Variants in ZNF532 observed in about 807,000 individuals in gnomAD.
ZNF532 encodes zinc finger protein 532.
In ZNF532, 22 loss-of-function variants were observed where a neutral mutation model predicts 89.3. The observed-to-expected ratio is 0.25, with a 90% CI of 0.18 to 0.35. The LOEUF is 0.35. Ranked by LOEUF, ZNF532 falls within the 10% of genes least tolerant of loss-of-function variation. The pLI is 1.00. For synonymous variants in ZNF532, 606 were observed against 649.6 expected (o/e 0.93, Z 1.02); for missense variants, 1,132 against 1,643.4 (o/e 0.69, Z 5.38).
chr18:58,892,569 T>C (rs1248776454), intron 2 of ZNF532, among the ~76,000 whole-genome samples: 2 of 152,224 alleles, frequency 1.3e-5, no homozygotes, highest in Admixed American at 6.5e-5. Flanking sequence ...TGTTAGAGCA[T>C]TGGCAAAGAG....
At chr18:58,976,384 C>T (rs79447051) in intron 7 of ZNF532, among the ~76,000 whole-genome samples, 5,779 of 151,144 alleles carry the variant, frequency 0.038, 111 homozygotes, top group East Asian at 0.059. Flanking sequence ...TATTACTACA[C>T]AAGAAGAAAT....
intron 4 of ZNF532, among the ~76,000 whole-genome samples, chr18:58,938,469 C>G (rs144978256): frequency 1.3e-5 from 2 of 152,330 alleles, no homozygotes; most frequent in African/African-American, 2.4e-5. Flanking sequence ...ACTAGAAATT[C>G]ATAAAGTAAG....
chr18:58,884,165 G>T (rs2058117491), intron 2 of ZNF532, among the ~76,000 whole-genome samples: 1 of 152,232 alleles, frequency 6.6e-6, no homozygotes, highest in Admixed American at 6.5e-5. Flanking sequence ...GATCACCTGA[G>T]GTCAGGAGTT....
chr18:58,972,846 G>A (rs1350098466), intron 7 of ZNF532, among the ~76,000 whole-genome samples: 2 of 152,064 alleles, frequency 1.3e-5, no homozygotes, highest in African/African-American at 4.8e-5. Context: ...TGATTACTTC[G>A]TAGAACCTGC....
rs2062202719 is a variant in ZNF532, at chr18:58,934,417, C to A, written c.2347-16C>A. 2 of 1,610,040 alleles carry A rather than the reference C, an allele frequency of 1.2e-6. No individual in the cohort carries two copies. The highest frequency in any genetic ancestry group is 1.7e-6 in the Non-Finnish European group (2 of 1,177,356). On this transcript the variant is annotated splice_polypyrimidine_tract_variant and intron_variant, in intron 3 of 9. Coordinates refer to ENST00000591808, the MANE Select transcript of ZNF532 (RefSeq NM_001375912.1). The stretch of plus-strand genomic sequence containing the variant: ...CTTAGTAGGACCAACCCTGTTTCCC[C>A]CTTTGGTTTGTTTAGAAGACTTGCA...
intron 2 of ZNF532, among the ~76,000 whole-genome samples, chr18:58,874,205 G>A (rs1463472597): frequency 6.6e-6 from 1 of 152,140 alleles, no homozygotes; most frequent in Non-Finnish European, 1.5e-5. Context: ...TGTCGCTAGA[G>A]TTTTAGTTAC....
intron 4 of ZNF532, among the ~76,000 whole-genome samples, 199 bp from the exon 5 acceptor site, chr18:58,939,246 C>CAAAAAAAAAAAAAAAAAAAAAAAAA (rs71336307): frequency 2.9e-5 from 1 of 34,508 alleles, no homozygotes; most frequent in Non-Finnish European, 6.3e-5. Context: ...GACGTTGTCT[C>CAAAAAAAAAAAAAAAAAAAAAAAAA]AAAAAAAAAA....
rs780845247 is a variant in ZNF532, at chr18:58,984,367, C to T, written c.3807C>T (p.Cys1269=). The part of the protein sequence containing the change: ...GAVSDRKCKV[C]AKTFETEAAL... ...TGTCAGACAGAAAGTGCAAAGTGTG[C>T]GCAAAAACTTTTGAAACTGAAGCTG... The change falls in exon 10 of 10, where the codon TGC becomes TGT. Residue 1269 remains cysteine (C), a synonymous_variant. Transcript: ENST00000591808. The T allele has an allele frequency of 8.9e-5, 144 of 1,611,836 alleles. No homozygotes were observed. Among genetic ancestry groups the T allele is most frequent in the Non-Finnish European group, 1.1e-4 (134 of 1,179,852 alleles).
Position 58,920,192 on chromosome 18 carries a change from C to T in ZNF532, c.1905C>T (p.Tyr635=), listed in dbSNP as rs138203718. ...TTGAAAAGAGTCTGACCCAGCACTA[C>T]GACAGACGGAGCGTGCGCATCGAAG... ...FALEKSLTQH[Y]DRRSVRIEVT... is the part of the protein sequence containing the mutation. The change falls in exon 3 of 10, where the codon TAC becomes TAT. Residue 635 remains tyrosine, a synonymous_variant. Coordinates refer to ENST00000591808, the MANE Select transcript of ZNF532 (RefSeq NM_001375912.1). 1.5e-5 allele frequency: 25 copies of T among 1,613,648 alleles called. No individual in the cohort carries two copies. Among genetic ancestry groups the T allele is most frequent in the African/African-American group, 9.3e-5 (7 of 74,912 alleles).
At chr18:58,906,976 C>T (rs1473854250) in intron 2 of ZNF532, among the ~76,000 whole-genome samples, 1 of 152,158 alleles carries the variant, frequency 6.6e-6, no homozygotes, top group Non-Finnish European at 1.5e-5. Flanking sequence ...ACCCAAATGT[C>T]AGAGTTTTGC....
intron 5 of ZNF532, 72 bp downstream of exon 5, chr18:58,939,693 C>T (rs2062812306): frequency 7.0e-7 from 1 of 1,420,100 alleles, no homozygotes. Flanking sequence ...AGTAGTCGTT[C>T]TATTGAATAA....
rs2068260394 is a variant in ZNF532, at chr18:58,985,044, C to T, written c.*578C>T. 6.5e-6 allele frequency: 1 copy of T among 153,014 alleles called. No individual in the cohort carries two copies. The highest frequency in any genetic ancestry group is 1.5e-5 in the Non-Finnish European group (1 of 68,684). 9.5% of individuals were successfully genotyped at this position (153,014 alleles called of 1,614,324 possible). A position where few individuals can be genotyped will look rare whatever the true frequency, so the allele number is the denominator to read the frequency against. ...CAACTGCACTCCAGTGTGGACGTGCCTTTGTCTTCAGGCCATGCCGAAGGG... is the reference window on the plus strand; with the variant it reads ...CAACTGCACTCCAGTGTGGACGTGCTTTTGTCTTCAGGCCATGCCGAAGGG... On this transcript the variant is annotated 3_prime_UTR_variant, in exon 10 of 10. Coordinates refer to ENST00000591808, the MANE Select transcript of ZNF532 (RefSeq NM_001375912.1).
chr18:58,912,169 T>A (rs2060323871), intron 2 of ZNF532, among the ~76,000 whole-genome samples: 1 of 152,198 alleles, frequency 6.6e-6, no homozygotes, highest in Non-Finnish European at 1.5e-5. Flanking sequence ...CCTGTGTTGA[T>A]ATTTCCAGAA....
At chr18:58,891,716 C>A (rs765532723) in intron 2 of ZNF532, among the ~76,000 whole-genome samples, 1 of 152,174 alleles carries the variant, frequency 6.6e-6, no homozygotes, top group Non-Finnish European at 1.5e-5. Flanking sequence ...GACTGAGGAT[C>A]TCTTAGAAAG....
Position 58,985,445 on chromosome 18 carries a change from G to C in ZNF532, c.*979G>C, listed in dbSNP as rs2068297917. 1 of 152,626 alleles carries C rather than the reference G, an allele frequency of 6.6e-6. No homozygotes were observed. Among genetic ancestry groups the C allele is most frequent in the Admixed American group, 6.5e-5 (1 of 15,288 alleles). The allele number at this position is 152,626 out of a possible 1,614,324, so 9.5% of individuals were successfully genotyped here. ...GACTTAACCCTTTGCTGTCAAAAGAGTTGGCGTTTCCTGTTCTGGGTGCTA... is the reference window on the plus strand; with the variant it reads ...GACTTAACCCTTTGCTGTCAAAAGACTTGGCGTTTCCTGTTCTGGGTGCTA... On this transcript the variant is annotated 3_prime_UTR_variant, in exon 10 of 10. Transcript: ENST00000591808.
chr18:58,971,659 G>A (rs1463714145), intron 7 of ZNF532, among the ~76,000 whole-genome samples: 1 of 152,090 alleles, frequency 6.6e-6, no homozygotes, highest in African/African-American at 2.4e-5. Context: ...GAGCTGGTGT[G>A]GGAAACTCCC....
intron 2 of ZNF532, among the ~76,000 whole-genome samples, chr18:58,874,476 C>G (rs1407615955): frequency 3.3e-5 from 5 of 150,026 alleles, no homozygotes; most frequent in Admixed American, 6.6e-5. Flanking sequence ...TCCTGTGTAG[C>G]TGGGGTTACA....
rs191181636 is a variant in ZNF532 at position 58,939,893 on chromosome 18, G to T, written c.2705+272G>T. On this transcript the variant is annotated intron_variant, in intron 5 of 9. Coordinates refer to ENST00000591808, the MANE Select transcript of ZNF532 (RefSeq NM_001375912.1). ...AATATTTATATTTTTTTCTTAAGAT[G>T]AATTTTTTTTTTTTTTTGAGACAAG... is the stretch of plus-strand genomic sequence containing the variant. 417 of 247,836 alleles carry T rather than the reference G, an allele frequency of 1.7e-3. 2 individuals are homozygous for T. The highest frequency in any genetic ancestry group is 2.6e-3 in the Non-Finnish European group (333 of 129,788). The allele number at this position is 247,836 out of a possible 1,614,324, so 15.4% of individuals were successfully genotyped here.
chr18:58,906,200 A>G (rs1244272320), intron 2 of ZNF532, among the ~76,000 whole-genome samples: 2 of 152,124 alleles, frequency 1.3e-5, no homozygotes, highest in Non-Finnish European at 2.9e-5. Context: ...GGAGTTCTTC[A>G]CTGCATAAGG....
Sources: allele counts gnomAD v4.1 joint callset (sites outside exome capture counted in the v4.1 genomes callset), GRCh38; gene constraint gnomAD v4.1.1; transcripts MANE v1.5; gene names NCBI Gene and HGNC (gene_info 2026-07-23, HGNC 2026-07-21).